RAD51B: variants seen among roughly 807,000 people sequenced by gnomAD.
RAD51B encodes the protein RAD51 paralog B.
Under a neutral mutation model 42.2 loss-of-function variants are expected in RAD51B, and 38 were observed. The observed-to-expected ratio is 0.90, with a 90% confidence interval of 0.70 to 1.18. The LOEUF is 1.18. Among genes scored for constraint, RAD51B ranks in the 50% most tolerant of loss-of-function variants. The pLI is 0.00. For synonymous variants in RAD51B, 154 were observed against 145.2 expected (o/e 1.06, Z -0.43); for missense variants, 373 against 400.7 (o/e 0.93, Z 0.59).
chr14:68,000,751 G>A (rs2075466414), intron 7 of RAD51B, among the ~76,000 whole-genome samples: 1 of 152,092 alleles, frequency 6.6e-6, no homozygotes, highest in Non-Finnish European at 1.5e-5. Context: ...CCCTGAAAAT[G>A]ATGAGACCGG....
At chr14:68,673,050 C>T (rs559895785) in intron 11 of RAD51B, among the ~76,000 whole-genome samples, 10 of 152,206 alleles carry the variant, frequency 6.6e-5, no homozygotes, top group Non-Finnish European at 1.2e-4. Flanking sequence ...TGGTTTCATG[C>T]ACTAGCCAGA....
intron 8 of RAD51B, among the ~76,000 whole-genome samples, chr14:68,346,768 G>A (rs976733107): frequency 6.6e-6 from 1 of 152,122 alleles, no homozygotes; most frequent in South Asian, 2.1e-4. Context: ...TTCTCCAGCC[G>A]TATATCTCTG....
chr14:68,151,616 G>T (rs1038274020), intron 7 of RAD51B, among the ~76,000 whole-genome samples: 6 of 151,844 alleles, frequency 4.0e-5, no homozygotes, highest in African/African-American at 1.2e-4. Context: ...GGTTTTTTGT[G>T]TGTGTGTGTG....
chr14:68,398,339 G>C (rs2083987374), intron 8 of RAD51B, among the ~76,000 whole-genome samples: 1 of 152,214 alleles, frequency 6.6e-6, no homozygotes, highest in Non-Finnish European at 1.5e-5. Flanking sequence ...CAGCATTTCT[G>C]TCTTGTCTCA....
At chr14:68,400,860 A>C (rs1481139767) in intron 8 of RAD51B, among the ~76,000 whole-genome samples, 2 of 152,146 alleles carry the variant, frequency 1.3e-5, no homozygotes, top group Non-Finnish European at 1.5e-5. Flanking sequence ...ACTTATTTGC[A>C]AAGGTCAAGA....
intron 10 of RAD51B, among the ~76,000 whole-genome samples, chr14:68,575,284 C>T (rs989313628): frequency 6.6e-6 from 1 of 152,114 alleles, no homozygotes; most frequent in African/African-American, 2.4e-5. Flanking sequence ...GGTGACTTTC[C>T]CAAGTTCTCA....
intron 7 of RAD51B, among the ~76,000 whole-genome samples, chr14:68,287,854 C>G (rs2081442219): frequency 6.6e-6 from 1 of 152,122 alleles, no homozygotes; most frequent in Non-Finnish European, 1.5e-5. Flanking sequence ...TAAGGACTAC[C>G]TGTGCGTTAT....
intron 8 of RAD51B, among the ~76,000 whole-genome samples, chr14:68,357,962 T>G (rs1205966786): frequency 6.6e-6 from 1 of 152,228 alleles, no homozygotes; most frequent in Non-Finnish European, 1.5e-5. Flanking sequence ...GTAGGGTTAA[T>G]TGGCCTAATT....
chr14:68,121,354 A>G (rs1218087862), intron 7 of RAD51B, among the ~76,000 whole-genome samples: 2 of 152,168 alleles, frequency 1.3e-5, no homozygotes, highest in Non-Finnish European at 2.9e-5. Context: ...TGTAGTAGAC[A>G]TGTTTTATGG....
chr14:67,859,806 A>G lies in RAD51B; in HGVS notation c.316-5197A>G, dbSNP rs2042106865. 2.0e-5 allele frequency among the ~76,000 whole-genome samples: 3 copies of G among 152,192 alleles called. No homozygotes were observed. In the South Asian group the frequency reaches 6.2e-4, roughly 31 times the overall value. On this transcript the variant is annotated intron_variant, in intron 4 of 10. Transcript: ENST00000471583. Reference sequence around the variant, plus strand: ...TGGATGAAATAAAACATAGGAAACAATATGGCAACAAGTTAAATGAATTTT... The same window carrying G: ...TGGATGAAATAAAACATAGGAAACAGTATGGCAACAAGTTAAATGAATTTT...
chr14:67,874,903 T>TA (rs905036856), intron 5 of RAD51B, among the ~76,000 whole-genome samples: 8 of 152,132 alleles, frequency 5.3e-5, no homozygotes, highest in African/African-American at 1.9e-4. Flanking sequence ...GGGTTAAGAA[T>TA]AAAAAATGAA....
intron 10 of RAD51B, among the ~76,000 whole-genome samples, chr14:68,633,710 G>A (rs1892284709): frequency 6.6e-6 from 1 of 152,264 alleles, no homozygotes; most frequent in African/African-American, 2.4e-5. Context: ...CTGAAGCAGG[G>A]AAGCCTGTGG....
At chr14:68,532,515 G>C (rs1341531895) in intron 10 of RAD51B, among the ~76,000 whole-genome samples, 1 of 152,132 alleles carries the variant, frequency 6.6e-6, no homozygotes, top group African/African-American at 2.4e-5. Flanking sequence ...AGTAAATTTT[G>C]AAAGTTGAAT....
In RAD51B at chr14:68,656,775, G is replaced by A. The variant is rs148614953; in HGVS notation, c.*11+5919G>A. Among the ~76,000 whole-genome samples, 160 of 152,288 alleles carry A rather than the reference G, an allele frequency of 1.1e-3. 1 individual carries two copies. Among genetic ancestry groups the A allele is most frequent in the East Asian group, 0.01 (52 of 5,176 alleles). On this transcript the variant is annotated intron_variant, in intron 11 of 11. Coordinates refer to the RAD51B transcript ENST00000488612. The stretch of plus-strand genomic sequence containing the variant: ...TTTTCACAGACACAGCAAGGAAGGT[G>A]CAGCATGGCAGAGAGGACCGGGCTG...
intron 7 of RAD51B, among the ~76,000 whole-genome samples, chr14:68,052,476 A>G (rs1312238494): frequency 6.6e-6 from 1 of 151,872 alleles, no homozygotes; most frequent in Non-Finnish European, 1.5e-5. Flanking sequence ...AGTTGGTCCC[A>G]TTACCACTAT....
At chr14:68,222,949 A>T (rs935898094) in intron 7 of RAD51B, among the ~76,000 whole-genome samples, 1 of 152,086 alleles carries the variant, frequency 6.6e-6, no homozygotes, top group African/African-American at 2.4e-5. Context: ...CCAGTCACAG[A>T]TCTCTACCTC....
At chr14:68,619,056 T>A (rs1891885745) in intron 10 of RAD51B, among the ~76,000 whole-genome samples, 1 of 152,252 alleles carries the variant, frequency 6.6e-6, no homozygotes, top group African/African-American at 2.4e-5. Context: ...GCAACTCAGC[T>A]TTTAACCCTA....
intron 10 of RAD51B, among the ~76,000 whole-genome samples, chr14:68,552,278 C>T (rs1424557776): frequency 6.6e-6 from 1 of 152,196 alleles, no homozygotes; most frequent in Non-Finnish European, 1.5e-5. Flanking sequence ...CATGTTTCAC[C>T]TCCCAGGCAT....
chr14:68,051,466 A>G (rs1488509364), intron 7 of RAD51B, among the ~76,000 whole-genome samples: 1 of 152,184 alleles, frequency 6.6e-6, no homozygotes, highest in South Asian at 2.1e-4. Flanking sequence ...AAATTCTTAT[A>G]TACAACCCTG....
Sources: gnomAD v4.1 joint callset for allele counts (sites outside exome capture counted in the v4.1 genomes callset) on GRCh38, gnomAD v4.1.1 for gene constraint, MANE v1.5 for transcripts, NCBI Gene and HGNC (gene_info 2026-07-23, HGNC 2026-07-21) for gene names.